IGDCC3: variants seen among roughly 807,000 people sequenced by gnomAD.
The protein encoded by IGDCC3 is immunoglobulin superfamily DCC subclass member 3.
In IGDCC3, 47 loss-of-function variants were observed where a neutral mutation model predicts 72.0. The observed-to-expected ratio is 0.65, with a 90% CI of 0.52 to 0.83. IGDCC3 has a LOEUF of 0.83. Ranked by LOEUF, IGDCC3 falls within the 40% of genes least tolerant of loss-of-function variation. The pLI is 0.00. For synonymous variants in IGDCC3, 477 were observed against 472.8 expected (o/e 1.01, Z -0.11); for missense variants, 1,038 against 1,091.3 (o/e 0.95, Z 0.69).
chr15:65,350,485 A>G (rs1381727583), intron 2 of IGDCC3, among the ~76,000 whole-genome samples: 11 of 138,004 alleles, frequency 8.0e-5, no homozygotes, highest in Admixed American at 7.4e-4. Flanking sequence ...TTCTTGAGAC[A>G]GAGTCTTGCT....
chr15:65,340,157 A>C lies in IGDCC3; in HGVS notation c.410-4201T>G, dbSNP rs574387055. 7.9e-5 allele frequency among the ~76,000 whole-genome samples: 12 copies of C among 152,148 alleles called. 1 individual carries two copies. In the East Asian group the frequency reaches 2.3e-3, roughly 29 times the overall value. ...GAAACAGTTCCTGGACACCTCTATA[A>C]ATCACCCAAGGGGAGGGGCCTCCTG... On this transcript the variant is annotated intron_variant, in intron 2 of 13. Transcript: ENST00000327987.
chr15:65,365,223 T>C (rs925264540), intron 2 of IGDCC3, among the ~76,000 whole-genome samples: 1 of 152,042 alleles, frequency 6.6e-6, no homozygotes, highest in Admixed American at 6.5e-5. Context: ...AGGATTCTAT[T>C]GCTGCAGCCT....
chr15:65,364,772 T>C (rs542361890), intron 2 of IGDCC3, among the ~76,000 whole-genome samples: 1 of 152,098 alleles, frequency 6.6e-6, no homozygotes, highest in Non-Finnish European at 1.5e-5. Flanking sequence ...TCCCAGCTTT[T>C]TGGGAGGCTG....
intron 2 of IGDCC3, among the ~76,000 whole-genome samples, chr15:65,365,485 A>G (rs1464684093): frequency 2.6e-5 from 4 of 151,996 alleles, no homozygotes; most frequent in Non-Finnish European, 5.9e-5. Context: ...GGCTGCCCCC[A>G]CCACCCACTG....
intron 2 of IGDCC3, among the ~76,000 whole-genome samples, chr15:65,348,180 A>T (rs150751421): frequency 6.8e-4 from 103 of 152,308 alleles, no homozygotes; most frequent in African/African-American, 2.2e-3. Context: ...TTAGCATATC[A>T]TCAAGAAATA....
intron 2 of IGDCC3, among the ~76,000 whole-genome samples, chr15:65,363,678 C>T (rs562279279): frequency 1.4e-4 from 21 of 152,038 alleles, no homozygotes; most frequent in Admixed American, 9.8e-4. Context: ...TGCCAGGACC[C>T]CTGGGGAGAA....
intron 2 of IGDCC3, among the ~76,000 whole-genome samples, chr15:65,341,515 T>C (rs2091081289): frequency 6.6e-6 from 1 of 152,196 alleles, no homozygotes; most frequent in African/African-American, 2.4e-5. Flanking sequence ...GCTATATCCA[T>C]TGAGTGGAAT....
chr15:65,335,736 C>T (rs988498168), intron 3 of IGDCC3, 76 bp downstream of exon 3: 29 of 1,553,748 alleles, frequency 1.9e-5, no homozygotes, highest in Admixed American at 5.0e-5. Flanking sequence ...CCCAGAGCCG[C>T]GGGCCATCCT....
intron 2 of IGDCC3, among the ~76,000 whole-genome samples, chr15:65,337,976 T>C (rs1386475110): frequency 6.6e-6 from 1 of 152,204 alleles, no homozygotes; most frequent in East Asian, 1.9e-4. Context: ...CACCCAGTGC[T>C]AGGAGCTGGC....
At chr15:65,353,821 T>C (rs1441381173) in intron 2 of IGDCC3, among the ~76,000 whole-genome samples, 2 of 152,198 alleles carry the variant, frequency 1.3e-5, no homozygotes, top group Non-Finnish European at 2.9e-5. Flanking sequence ...ACCCCTTGTT[T>C]AGCATATCAT....
chr15:65,359,363 G>A (rs1339482530), intron 2 of IGDCC3, among the ~76,000 whole-genome samples: 1 of 152,202 alleles, frequency 6.6e-6, no homozygotes, highest in Non-Finnish European at 1.5e-5. Context: ...GGATGCACAG[G>A]ACACTGCAGG....
At position 65,339,359 on chromosome 15, in the gene IGDCC3, C is replaced by A. The variant is rs1256446100; in HGVS notation, c.410-3403G>T. 6.6e-6 allele frequency among the ~76,000 whole-genome samples: 1 copy of A among 152,220 alleles called. No individual in the cohort carries two copies. Among genetic ancestry groups the A allele is most frequent in the Non-Finnish European group, 1.5e-5 (1 of 68,022 alleles). ...CTTCCCAAAGTGCTGGGATTCCAGGCGTGAGCTACTGTGCCTGGCCAATTT... is the reference window on the plus strand; with the variant it reads ...CTTCCCAAAGTGCTGGGATTCCAGGAGTGAGCTACTGTGCCTGGCCAATTT... On this transcript the variant is annotated intron_variant, in intron 2 of 13. Coordinates refer to ENST00000327987, the MANE Select transcript of IGDCC3 (RefSeq NM_004884.4). The surrounding 1 kb of genome is among the most constrained non-coding windows in gnomAD (Gnocchi z 4.1).
intron 2 of IGDCC3, among the ~76,000 whole-genome samples, chr15:65,363,955 C>A (rs972111692): frequency 2.6e-5 from 4 of 152,152 alleles, no homozygotes; most frequent in African/African-American, 7.2e-5. Flanking sequence ...ACAGGTAGAG[C>A]AAGACTTGTC....
chr15:65,361,203 G>A (rs1432771269), intron 2 of IGDCC3, among the ~76,000 whole-genome samples: 2 of 151,862 alleles, frequency 1.3e-5, no homozygotes, highest in Non-Finnish European at 2.9e-5. Flanking sequence ...CCGAGTCGGG[G>A]GATTACCTGA....
chr15:65,335,485 T>C, intron 3 of IGDCC3, 64 bp from the exon 4 acceptor site: 2 of 1,524,988 alleles, frequency 1.3e-6, no homozygotes, highest in Non-Finnish European at 1.8e-6. Context: ...CCACAAAGAC[T>C]CTGGGCATCC....
chr15:65,334,446 C>T, intron 5 of IGDCC3: 1 of 412,150 alleles, frequency 2.4e-6, no homozygotes, highest in South Asian at 5.4e-5. Context: ...GTGCTGGGGT[C>T]CCCGAGGCCA....
chr15:65,333,022 C>CT lies in IGDCC3; in HGVS notation c.982+234_982+235insA, dbSNP rs5813347. Among the ~76,000 whole-genome samples the CT allele has an allele frequency of 4.1e-3, 629 of 152,118 alleles. 5 individuals carry two copies. Among genetic ancestry groups the CT allele is most frequent in the African/African-American group, 0.014 (589 of 41,524 alleles). ...CTGGGTGGAGGGGTATTGACGGACC[C>CT]GGAGGGCACGCAGAGGCCGGGGAGC... is the stretch of plus-strand genomic sequence containing the variant. On this transcript the variant is annotated intron_variant, in intron 6 of 13. Coordinates refer to ENST00000327987, the MANE Select transcript of IGDCC3 (RefSeq NM_004884.4).
intron 2 of IGDCC3, 46 bp from the exon 3 acceptor site, chr15:65,336,002 A>T (rs1234372571): frequency 1.2e-6 from 2 of 1,602,036 alleles, no homozygotes; most frequent in East Asian, 4.5e-5. Flanking sequence ...CTGAGGGCAG[A>T]AGGTAGGAGA....
intron 2 of IGDCC3, among the ~76,000 whole-genome samples, chr15:65,349,741 GGCT>G (rs1408832063): frequency 6.6e-6 from 1 of 152,122 alleles, no homozygotes; most frequent in East Asian, 1.9e-4. Flanking sequence ...TTTGGTCTCT[GGCT>G]TCAGGGAACA....
Sources: gnomAD v4.1 joint callset for allele counts (sites outside exome capture counted in the v4.1 genomes callset) on GRCh38, gnomAD v4.1.1 for gene constraint, Gnocchi (gnomAD v3.1) non-coding constraint, MANE v1.5 for transcripts, NCBI Gene and HGNC (gene_info 2026-07-23, HGNC 2026-07-21) for gene names.